The following CDH12 variants were observed in gnomAD, a reference collection of about 807,000 sequenced individuals.
CDH12 encodes the protein cadherin 12.
In CDH12, 41 loss-of-function variants were observed where a neutral mutation model predicts 74.1. The ratio of observed to expected loss-of-function variants is 0.55; its 90% CI spans 0.43 to 0.72. The LOEUF is 0.72. CDH12 is among the 30% of genes least tolerant of loss of function. The pLI, the probability that CDH12 is intolerant of heterozygous loss-of-function variation, is 0.00. For synonymous variants in CDH12, 399 were observed against 355.0 expected, an observed-to-expected ratio of 1.12 and a Z score of -1.39; for missense variants, 945 against 977.2, an observed-to-expected ratio of 0.97 and a Z score of 0.44.
intron 3 of CDH12, among the ~76,000 whole-genome samples, chr5:22,294,649 GAGA>G (rs1737545442): frequency 6.6e-6 from 1 of 152,098 alleles, no homozygotes; most frequent in African/African-American, 2.4e-5. Context: ...AGCCTCCACA[GAGA>G]AGATTAGGCA....
intron 4 of CDH12, among the ~76,000 whole-genome samples, chr5:22,162,376 C>G (rs1748402390): frequency 6.6e-6 from 1 of 152,180 alleles, no homozygotes; most frequent in Non-Finnish European, 1.5e-5. Context: ...CACACCCTTA[C>G]TTGGATCCTG....
chr5:21,784,378 A>T (rs1561182117), intron 10 of CDH12, among the ~76,000 whole-genome samples: 1 of 152,116 alleles, frequency 6.6e-6, no homozygotes, highest in African/African-American at 2.4e-5. Context: ...ATTGAGAATA[A>T]AAAATGTCTG....
intron 3 of CDH12, among the ~76,000 whole-genome samples, chr5:22,271,702 G>A (rs900607094): frequency 1.3e-5 from 2 of 152,182 alleles, no homozygotes; most frequent in African/African-American, 2.4e-5. Flanking sequence ...TAGCAGACAT[G>A]AAAATAACAT....
chr5:22,648,627 T>C (rs568765711), intron 1 of CDH12, among the ~76,000 whole-genome samples: 1 of 151,912 alleles, frequency 6.6e-6, no homozygotes, highest in Non-Finnish European at 1.5e-5. Flanking sequence ...GTTAAATATA[T>C]TTCTTATAGA....
At chr5:22,222,593 T>A (rs1752056547) in intron 3 of CDH12, among the ~76,000 whole-genome samples, 1 of 151,878 alleles carries the variant, frequency 6.6e-6, no homozygotes, top group African/African-American at 2.4e-5. Context: ...TAAACTCTTA[T>A]GGACATGAAA....
At chr5:21,924,524 AAATACATG>A (rs1025362406) in intron 6 of CDH12, among the ~76,000 whole-genome samples, 12 of 107,080 alleles carry the variant, frequency 1.1e-4, no homozygotes, top group African/African-American at 3.1e-4. Flanking sequence ...CTCAATAAAT[AAATACATG>A]AATACATAAA....
At chr5:22,057,823 T>G (rs572693426) in intron 5 of CDH12, among the ~76,000 whole-genome samples, 24 of 152,298 alleles carry the variant, frequency 1.6e-4, no homozygotes, top group African/African-American at 5.5e-4. Flanking sequence ...TTACAGGCAG[T>G]GGAGCAGCTA....
At chr5:22,491,537 C>T (rs1746863186) in intron 2 of CDH12, among the ~76,000 whole-genome samples, 1 of 149,080 alleles carries the variant, frequency 6.7e-6, no homozygotes, top group Non-Finnish European at 1.5e-5. Context: ...TGTCAGCATC[C>T]CTGGGCCACA....
At position 22,094,648 on chromosome 5, in the gene CDH12, C is replaced by A. The variant is rs541771605; in HGVS notation, c.-186-15786G>T. ...TATTAATGGGCATCAAGAGGCCTCA[C>A]AATGGCCCAGCTACATATCAGTATA... On this transcript the variant is annotated intron_variant, in intron 4 of 14. Transcript: ENST00000382254. Among the ~76,000 whole-genome samples, 294 of 152,200 alleles carry A rather than the reference C, an allele frequency of 1.9e-3. 1 individual carries two copies. Among genetic ancestry groups the A allele is most frequent in the African/African-American group, 6.7e-3 (277 of 41,506 alleles).
At chr5:22,302,552 T>C (rs573951749) in intron 3 of CDH12, among the ~76,000 whole-genome samples, 10 of 152,176 alleles carry the variant, frequency 6.6e-5, no homozygotes, top group African/African-American at 2.2e-4. Flanking sequence ...ATCTTCAAAG[T>C]AGGGAATGCA....
chr5:22,808,720 T>G (rs998514772), intron 1 of CDH12, among the ~76,000 whole-genome samples: 6 of 140,378 alleles, frequency 4.3e-5, no homozygotes, highest in Admixed American at 3.6e-4. Flanking sequence ...ATCTCCTGCC[T>G]CAGCCTGTAG....
At chr5:22,324,469 T>C (rs1377944011) in intron 3 of CDH12, among the ~76,000 whole-genome samples, 3 of 152,156 alleles carry the variant, frequency 2.0e-5, no homozygotes, top group Admixed American at 6.5e-5. Flanking sequence ...TAGAATTCTG[T>C]AAGTCAGATT....
intron 4 of CDH12, among the ~76,000 whole-genome samples, chr5:22,118,111 C>A (rs1745280570): frequency 6.6e-6 from 1 of 152,104 alleles, no homozygotes; most frequent in African/African-American, 2.4e-5. Context: ...TCAAGTATAT[C>A]CAACTCTTTG....
intron 3 of CDH12, among the ~76,000 whole-genome samples, chr5:22,242,754 T>G (rs552517179): frequency 1.3e-5 from 2 of 152,314 alleles, no homozygotes; most frequent in Admixed American, 1.3e-4. Flanking sequence ...GATCCATCAG[T>G]ACTAGCCTTA....
chr5:22,519,348 G>A (rs1339635124), intron 1 of CDH12, among the ~76,000 whole-genome samples: 1 of 151,526 alleles, frequency 6.6e-6, no homozygotes, highest in Non-Finnish European at 1.5e-5. Flanking sequence ...AAGATATAAA[G>A]TAAAATAAAG....
chr5:22,529,597 G>A (rs1031698648), intron 1 of CDH12, among the ~76,000 whole-genome samples: 2 of 152,038 alleles, frequency 1.3e-5, no homozygotes, highest in African/African-American at 4.8e-5. Context: ...GCTATACTCG[G>A]TCTATTTATT....
intron 1 of CDH12, among the ~76,000 whole-genome samples, chr5:22,735,422 T>C (rs916425336): frequency 6.6e-6 from 1 of 151,878 alleles, no homozygotes; most frequent in Non-Finnish European, 1.5e-5. Context: ...AAAAATTATA[T>C]TTACATATAA....
chr5:22,155,128 C>T (rs1747942003), intron 4 of CDH12, among the ~76,000 whole-genome samples: 1 of 152,124 alleles, frequency 6.6e-6, no homozygotes. Context: ...CCTCAGATTT[C>T]TCTGATTTCC....
chr5:22,760,299 G>T (rs997984011), intron 1 of CDH12, among the ~76,000 whole-genome samples: 4 of 152,194 alleles, frequency 2.6e-5, no homozygotes, highest in African/African-American at 9.7e-5. Flanking sequence ...AGATTCATGA[G>T]AAAAGTTTCT....
Sources: allele counts gnomAD v4.1 joint callset (sites outside exome capture counted in the v4.1 genomes callset), GRCh38; gene constraint gnomAD v4.1.1; transcripts MANE v1.5; gene names NCBI Gene and HGNC (gene_info 2026-07-23, HGNC 2026-07-21).